The following BCKDHB variants were observed in gnomAD, a reference collection of about 807,000 sequenced individuals.
BCKDHB encodes the protein branched chain keto acid dehydrogenase E1 subunit beta.
Under a neutral mutation model 48.5 loss-of-function variants are expected in BCKDHB, and 41 were observed. The ratio of observed to expected loss-of-function variants is 0.85; its 90% CI spans 0.66 to 1.10. BCKDHB has a LOEUF of 1.10. BCKDHB is among the 50% of genes least tolerant of loss of function. The probability of loss-of-function intolerance (pLI) is 0.00; values close to 1 mark genes in which losing one functional copy is unlikely to be tolerated. For synonymous variants in BCKDHB, 201 were observed against 174.8 expected, an observed-to-expected ratio of 1.15 and a Z score of -1.18; for missense variants, 496 against 494.2, an observed-to-expected ratio of 1.00 and a Z score of -0.03.
the BCKDHB span, among the ~76,000 whole-genome samples, chr6:80,358,049 C>T: frequency 1.3e-5 from 2 of 152,138 alleles, no homozygotes; most frequent in African/African-American, 4.8e-5. Flanking sequence ...GACTAAGAAA[C>T]ATTTGTTTTT....
intron 8 of BCKDHB, among the ~76,000 whole-genome samples, chr6:80,220,734 CT>C (rs67235328): frequency 0.28 from 34,106 of 121,192 alleles, 3,950 homozygotes; most frequent in East Asian, 0.49. Context: ...TTTTCTTTTT[CT>C]TTTTTTTTTT....
intron 3 of BCKDHB, among the ~76,000 whole-genome samples, chr6:80,129,514 G>A (rs1003006528): frequency 6.6e-6 from 1 of 152,110 alleles, no homozygotes; most frequent in African/African-American, 2.4e-5. Flanking sequence ...AGAACCTTTG[G>A]TGTTTTATTG....
intron 8 of BCKDHB, among the ~76,000 whole-genome samples, chr6:80,261,683 T>C (rs1235294367): frequency 3.9e-5 from 6 of 152,098 alleles, no homozygotes; most frequent in Non-Finnish European, 8.8e-5. Context: ...TATCCTTTCT[T>C]ACCCAGCCTT....
intron 9 of BCKDHB, among the ~76,000 whole-genome samples, chr6:80,297,081 C>G (rs2322747): frequency 0.75 from 114,667 of 152,016 alleles, 44,098 homozygotes; most frequent in Admixed American, 0.86. Context: ...GGACAATGGA[C>G]AGAAGTGCAG....
chr6:80,412,609 A>G, the BCKDHB span, among the ~76,000 whole-genome samples: 1 of 152,144 alleles, frequency 6.6e-6, no homozygotes, highest in Non-Finnish European at 1.5e-5. Context: ...ACTTACCTTC[A>G]TCCATGAGTT....
the BCKDHB span, among the ~76,000 whole-genome samples, chr6:80,420,968 C>A: frequency 1.3e-5 from 2 of 152,166 alleles, no homozygotes; most frequent in Admixed American, 1.3e-4. Context: ...CCTCTTTCAA[C>A]AAGTCTGCTC....
At chr6:80,271,468 A>G (rs970497606) in intron 8 of BCKDHB, among the ~76,000 whole-genome samples, 12 of 152,258 alleles carry the variant, frequency 7.9e-5, no homozygotes, top group South Asian at 4.1e-4. Flanking sequence ...TGCATAGGCT[A>G]TAGGATACAT....
chr6:80,320,375 GA>G (rs1352750042), intron 9 of BCKDHB, among the ~76,000 whole-genome samples: 11 of 152,168 alleles, frequency 7.2e-5, no homozygotes, highest in African/African-American at 2.4e-4. Context: ...TAAAAGTTAA[GA>G]ATTTGTATCA....
At chr6:80,137,299 T>G (rs1006003316) in intron 3 of BCKDHB, among the ~76,000 whole-genome samples, 5 of 152,240 alleles carry the variant, frequency 3.3e-5, no homozygotes, top group African/African-American at 7.2e-5. Context: ...CTCTAATTTA[T>G]AACACTGACC....
intron 8 of BCKDHB, among the ~76,000 whole-genome samples, chr6:80,256,028 A>G (rs1777036127): frequency 6.6e-6 from 1 of 152,156 alleles, no homozygotes; most frequent in Non-Finnish European, 1.5e-5. Context: ...AAGTTCTACA[A>G]TATGCTTGTC....
At chr6:80,328,570 CAT>C (rs1769158813) in intron 9 of BCKDHB, among the ~76,000 whole-genome samples, 1 of 152,110 alleles carries the variant, frequency 6.6e-6, no homozygotes, top group Non-Finnish European at 1.5e-5. Flanking sequence ...CTAGAGGCGA[CAT>C]AGTAGAATTT....
At chr6:80,372,303 T>C in the BCKDHB span, among the ~76,000 whole-genome samples, 1 of 152,138 alleles carries the variant, frequency 6.6e-6, no homozygotes. Flanking sequence ...TTGATTTGTG[T>C]ACATTAATTT....
the BCKDHB span, among the ~76,000 whole-genome samples, chr6:80,378,923 T>C: frequency 6.6e-6 from 1 of 152,008 alleles, no homozygotes; most frequent in African/African-American, 2.4e-5. Flanking sequence ...TTGGAATACT[T>C]AGTAATGAAA....
intron 1 of BCKDHB, among the ~76,000 whole-genome samples, chr6:80,110,688 C>T (rs747677223): frequency 6.6e-6 from 1 of 152,230 alleles, no homozygotes; most frequent in Non-Finnish European, 1.5e-5. Flanking sequence ...CATCCCTTGG[C>T]ACCTGAGCCA....
the BCKDHB span, among the ~76,000 whole-genome samples, chr6:80,456,126 A>G: frequency 6.6e-6 from 1 of 152,024 alleles, no homozygotes; most frequent in African/African-American, 2.4e-5. Flanking sequence ...GAGGTGGAAG[A>G]ATCTCTTGAA....
chr6:80,294,038 G>A (rs887954930), intron 9 of BCKDHB, among the ~76,000 whole-genome samples: 3 of 152,236 alleles, frequency 2.0e-5, no homozygotes, highest in East Asian at 1.9e-4. Context: ...ACATTTTCCT[G>A]TCTTCTTCTG....
intron 3 of BCKDHB, among the ~76,000 whole-genome samples, chr6:80,158,423 A>T (rs1171226926): frequency 6.6e-6 from 1 of 152,156 alleles, no homozygotes; most frequent in African/African-American, 2.4e-5. Flanking sequence ...TGCTTCTTGG[A>T]GGTAACAATT....
At chr6:80,347,865 G>A (rs1770279113), downstream of BCKDHB, among the ~76,000 whole-genome samples, 1 of 152,130 alleles carries the variant, frequency 6.6e-6, no homozygotes, top group Non-Finnish European at 1.5e-5. Flanking sequence ...GAAAGAAAGA[G>A]TCCATATTAT....
intron 8 of BCKDHB, among the ~76,000 whole-genome samples, chr6:80,205,129 A>G (rs1273892013): frequency 6.6e-6 from 1 of 152,030 alleles, no homozygotes; most frequent in Non-Finnish European, 1.5e-5. Flanking sequence ...CTTTTGATGT[A>G]TCAAAAGAGG....
Sources: gnomAD v4.1 joint callset for allele counts (sites outside exome capture counted in the v4.1 genomes callset) on GRCh38, gnomAD v4.1.1 for gene constraint, MANE v1.5 for transcripts, NCBI Gene and HGNC (gene_info 2026-07-23, HGNC 2026-07-21) for gene names.